LAMA4: variants seen among roughly 807,000 people sequenced by gnomAD.
The protein encoded by LAMA4 is laminin subunit alpha 4, also known as laminin subunit alpha-4.
LAMA4 carries 127 observed loss-of-function variants against 207.1 expected under a neutral mutation model. The ratio of observed to expected loss-of-function variants is 0.61; its 90% confidence interval spans 0.53 to 0.71. LAMA4 has a LOEUF of 0.71. Among genes scored for constraint, LAMA4 ranks in the 30% least tolerant of loss-of-function variants. The pLI is 0.00. For synonymous variants in LAMA4, 761 were observed against 816.0 expected (o/e 0.93, Z 1.15); for missense variants, 2,093 against 2,246.5 (o/e 0.93, Z 1.38).
chr6:112,133,104 T>C (rs1255257564), intron 27 of LAMA4, among the ~76,000 whole-genome samples: 4 of 152,160 alleles, frequency 2.6e-5, no homozygotes, highest in African/African-American at 9.7e-5. Flanking sequence ...GAGTGAACAA[T>C]GATGCTAGCA....
rs587596523 is a variant in LAMA4, at chr6:112,114,655, T to C, written c.5206+8A>G. The C allele has an allele frequency of 3.7e-6, 6 of 1,602,592 alleles. No homozygotes were observed. The highest frequency in any genetic ancestry group is 1.7e-5 in the Admixed American group (1 of 59,952). On this transcript the variant is annotated splice_region_variant and intron_variant, in intron 37 of 38. Transcript: ENST00000230538. ...GTGCAGGCTCCCCAGGGCAGTCAGT[T>C]TTCTCACCTGTAATTCTGTGCCATC...
chr6:112,140,227 A>G (rs889775492), intron 22 of LAMA4, among the ~76,000 whole-genome samples: 1 of 152,200 alleles, frequency 6.6e-6, no homozygotes, highest in Non-Finnish European at 1.5e-5. Context: ...ATAAATTCCA[A>G]TTATGTGCCC....
chr6:112,140,794 A>C lies in LAMA4; in HGVS notation c.2942T>G (p.Val981Gly). ...SLLDLDPEDTVFYVGGVPSNF... is the reference protein window; with the variant it reads ...SLLDLDPEDTGFYVGGVPSNF... ...GGAAGGCACTCCACCAACATAAAAC[A>C]CTGTGTCCTCAGGGTCCAGGTCCAG... Residue 981 changes from valine (V) to glycine (G), a missense_variant, in exon 22 of 39, where the codon GTG (valine) becomes GGG (glycine). By Grantham distance (109) the Val-to-Gly change is moderately radical. Around this residue, in one of 3 missense-constraint regions of LAMA4, gnomAD observed 1,704 missense variants for 1,788.4 expected, o/e 0.95. Coordinates refer to ENST00000230538, the MANE Select transcript of LAMA4 (RefSeq NM_001105206.3). 6.2e-7 allele frequency: 1 copy of C among 1,614,056 alleles called. No individual in the cohort carries two copies. Among genetic ancestry groups the C allele is most frequent in the Non-Finnish European group, 8.5e-7 (1 of 1,179,982 alleles).
chr6:112,250,672 G>A (rs563811144), intron 2 of LAMA4, among the ~76,000 whole-genome samples: 2 of 152,320 alleles, frequency 1.3e-5, no homozygotes, highest in Admixed American at 1.3e-4. Context: ...CCTGTCAGAA[G>A]AGTCCTTGCC....
intron 2 of LAMA4, among the ~76,000 whole-genome samples, chr6:112,240,450 G>C (rs1583989548): frequency 6.6e-6 from 1 of 152,166 alleles, no homozygotes; most frequent in East Asian, 1.9e-4. Flanking sequence ...AGTTATTATT[G>C]ACTATAGTCA....
At chr6:112,219,933 T>C (rs1554359978) in intron 2 of LAMA4, among the ~76,000 whole-genome samples, 1 of 152,156 alleles carries the variant, frequency 6.6e-6, no homozygotes, top group Non-Finnish European at 1.5e-5. Context: ...AAGTTTTAGC[T>C]CTTAACCATC....
intron 31 of LAMA4, among the ~76,000 whole-genome samples, chr6:112,123,029 G>T (rs981015436): frequency 6.6e-6 from 1 of 152,158 alleles, no homozygotes; most frequent in Non-Finnish European, 1.5e-5. Flanking sequence ...TTAATTTGGA[G>T]AAACAGTTAT....
At chr6:112,191,917 C>G in intron 5 of LAMA4, 67 bp from the exon 6 acceptor site, 6 of 1,215,230 alleles carry the variant, frequency 4.9e-6, no homozygotes, top group Non-Finnish European at 7.2e-6. Context: ...ATCTTCTTTC[C>G]TACAAAGAAG....
chr6:112,150,029 G>T (rs1389778067), intron 17 of LAMA4, among the ~76,000 whole-genome samples: 1 of 152,050 alleles, frequency 6.6e-6, no homozygotes, highest in East Asian at 1.9e-4. Flanking sequence ...GTTTCTATTT[G>T]GTCTCTGGGC....
At chr6:112,134,362 TA>T in intron 26 of LAMA4, 104 bp downstream of exon 26, 1 of 1,146,142 alleles carries the variant, frequency 8.7e-7, no homozygotes, top group Non-Finnish European at 1.3e-6. Context: ...TCCCTGTGTG[TA>T]AAAGTAGCAA....
At chr6:112,194,607 G>A (rs1258348105) in intron 5 of LAMA4, among the ~76,000 whole-genome samples, 4 of 152,196 alleles carry the variant, frequency 2.6e-5, no homozygotes, top group African/African-American at 7.2e-5. Context: ...AAAGCTAGAA[G>A]GCAGAGAAGC....
intron 10 of LAMA4, among the ~76,000 whole-genome samples, chr6:112,177,404 T>C (rs1782089300): frequency 1.3e-5 from 2 of 152,320 alleles, no homozygotes; most frequent in African/African-American, 2.4e-5. Context: ...ACTATGGAAA[T>C]GCAGATACTG....
chr6:112,221,037 C>G (rs1400890302), intron 2 of LAMA4, among the ~76,000 whole-genome samples: 1 of 152,058 alleles, frequency 6.6e-6, no homozygotes, highest in Non-Finnish European at 1.5e-5. Context: ...CTTACATACT[C>G]GAATAGATCT....
rs2114866960 is a variant in LAMA4, at chr6:112,172,667, C to T, written c.1495G>A (p.Val499Ile). ...CTGTTCATGTCTTCGGCATCCCTGA[C>T]ATAGTTAAGGGCCTGGTCAAGTGCT... ...QEALDQALNYVRDAEDMNRAT... is the reference protein window; with the variant it reads ...QEALDQALNYIRDAEDMNRAT... Residue 499 changes from valine (V) to isoleucine (I), a missense_variant, in exon 12 of 39, where the codon GTC becomes ATC. Physicochemically the swap from Val to Ile is conservative, Grantham distance 29 (BLOSUM62 3). Around this residue, in one of 3 missense-constraint regions of LAMA4, gnomAD observed 1,704 missense variants for 1,788.4 expected, o/e 0.95. Coordinates refer to ENST00000230538, the MANE Select transcript of LAMA4 (RefSeq NM_001105206.3). 1.2e-6 allele frequency: 2 copies of T among 1,613,738 alleles called. No individual in the cohort carries two copies. Among genetic ancestry groups the T allele is most frequent in the Non-Finnish European group, 1.7e-6 (2 of 1,180,014 alleles).
intron 31 of LAMA4, among the ~76,000 whole-genome samples, chr6:112,125,508 C>T (rs1171657110): frequency 6.6e-6 from 1 of 152,108 alleles, no homozygotes; most frequent in Non-Finnish European, 1.5e-5. Context: ...TGTTACAATA[C>T]CTGAAATGTT....
At chr6:112,228,502 GAA>G (rs1298031439) in intron 2 of LAMA4, among the ~76,000 whole-genome samples, 8 of 152,152 alleles carry the variant, frequency 5.3e-5, no homozygotes, top group African/African-American at 1.9e-4. Flanking sequence ...TAAATGAAGA[GAA>G]AGAAGAGAAT....
intron 16 of LAMA4, 56 bp downstream of exon 16, chr6:112,154,795 G>T: frequency 1.9e-6 from 2 of 1,061,686 alleles, no homozygotes; most frequent in Non-Finnish European, 1.5e-6. Context: ...CTACGTGTAT[G>T]AAAGGAGGGA....
intron 9 of LAMA4, chr6:112,179,569 CAG>C (rs1281645317): frequency 3.2e-5 from 5 of 154,416 alleles, no homozygotes; most frequent in Admixed American, 6.5e-5. Context: ...ACCCATTATA[CAG>C]AGTTTCCTGA....
chr6:112,141,850 C>T (rs1408532337), intron 20 of LAMA4, among the ~76,000 whole-genome samples: 1 of 152,166 alleles, frequency 6.6e-6, no homozygotes, highest in Non-Finnish European at 1.5e-5. Flanking sequence ...AGGCTTCTGT[C>T]TTTCTGAAAG....
Sources: allele counts gnomAD v4.1 joint callset (sites outside exome capture counted in the v4.1 genomes callset), GRCh38; gene constraint gnomAD v4.1.1; regional missense constraint gnomAD v4.1.1; transcripts MANE v1.5; gene names NCBI Gene and HGNC (gene_info 2026-07-23, HGNC 2026-07-21).